The following PIWIL2 variants were observed in gnomAD, a reference collection of about 807,000 sequenced individuals.
PIWIL2 encodes piwi like RNA-mediated gene silencing 2.
In PIWIL2, 81 loss-of-function variants were observed where a neutral mutation model predicts 116.5. The observed-to-expected ratio is 0.70, with a 90% CI of 0.58 to 0.84. The LOEUF (loss-of-function observed/expected upper bound fraction) is 0.84. PIWIL2 is among the 40% of genes least tolerant of loss of function. The pLI, the probability that PIWIL2 is intolerant of heterozygous loss-of-function variation, is 0.00. For synonymous variants in PIWIL2, 489 were observed against 429.5 expected (o/e 1.14, Z -1.71); for missense variants, 1,272 against 1,212.3 (o/e 1.05, Z -0.73).
At chr8:22,333,655 T>C (rs1299427979) in intron 20 of PIWIL2, among the ~76,000 whole-genome samples, 1 of 151,884 alleles carries the variant, frequency 6.6e-6, no homozygotes, top group Non-Finnish European at 1.5e-5. Context: ...TTATAAGAAA[T>C]GTTCAGAACA....
intron 20 of PIWIL2, among the ~76,000 whole-genome samples, chr8:22,347,233 GAC>G (rs1491461775): frequency 7.4e-6 from 1 of 134,764 alleles, no homozygotes; most frequent in Non-Finnish European, 1.6e-5. Flanking sequence ...TTTTTTTTGA[GAC>G]AGAGTCTCAC....
At chr8:22,351,438 TACA>T (rs1832352758) in intron 20 of PIWIL2, among the ~76,000 whole-genome samples, 2 of 65,150 alleles carry the variant, frequency 3.1e-5, no homozygotes, top group African/African-American at 6.2e-5. Flanking sequence ...AGTGCATACA[TACA>T]TATATATATA....
intron 20 of PIWIL2, among the ~76,000 whole-genome samples, chr8:22,326,812 A>T (rs1382287860): frequency 6.6e-6 from 1 of 152,080 alleles, no homozygotes; most frequent in Non-Finnish European, 1.5e-5. Flanking sequence ...TTCCTGAACA[A>T]GTATTTGTTT....
At chr8:22,330,697 A>AAATAAATAAAT (rs1554504110) in intron 20 of PIWIL2, among the ~76,000 whole-genome samples, 1 of 137,132 alleles carries the variant, frequency 7.3e-6, no homozygotes, top group African/African-American at 2.6e-5. Flanking sequence ...ACTCTGTCTC[A>AAATAAATAAAT]AAATAAATAA....
intron 10 of PIWIL2, among the ~76,000 whole-genome samples, chr8:22,299,415 T>G (rs1046322721): frequency 6.6e-6 from 1 of 152,000 alleles, no homozygotes; most frequent in Non-Finnish European, 1.5e-5. Flanking sequence ...TCCATGGTGG[T>G]CAGACTGGTC....
At chr8:22,321,705 CAAATA>C (rs931316801) in intron 20 of PIWIL2, 10 of 187,956 alleles carry the variant, frequency 5.3e-5, no homozygotes, top group Non-Finnish European at 6.9e-5. Context: ...GCCTCTAAAA[CAAATA>C]AAATAAAAAA....
At position 22,279,462 on chromosome 8, in the gene PIWIL2, G is replaced by C; in HGVS notation, c.76G>C (p.Gly26Arg). The change falls in exon 2 of 23, where the codon GGC becomes CGC. Residue 26 changes from glycine to arginine, a missense_variant. Physicochemically the swap from Gly to Arg is moderately radical, Grantham distance 125 (BLOSUM62 -2). Coordinates refer to ENST00000356766, the MANE Select transcript of PIWIL2 (RefSeq NM_018068.5). ...PSQCQAVRMP[G>R]CWPQASKPLD... ...CCAGTGCCAGGCTGTACGGATGCCA[G>C]GCTGTTGGCCACAAGCTTCTAAACC... is the stretch of plus-strand genomic sequence containing the variant. 1 of 1,614,172 alleles carries C rather than the reference G, an allele frequency of 6.2e-7. No homozygotes were observed.
At position 22,311,133 on chromosome 8, in the gene PIWIL2, C is replaced by T; in HGVS notation, c.1822C>T (p.Leu608Phe). The change falls in exon 16 of 23, where the codon CTT (leucine) becomes TTT (phenylalanine). Residue 608 changes from leucine to phenylalanine, a missense_variant. Physicochemically the swap from Leu to Phe is conservative, Grantham distance 22. Transcript: ENST00000356766. The part of the protein sequence containing the change: ...ILTIPMHFWA[L>F]FYPKRAMDQA... The stretch of plus-strand genomic sequence containing the variant: ...CTAGATCCCCATGCATTTCTGGGCA[C>T]TTTTTTACCCAAAGAGAGCAATGGA... 6.2e-7 allele frequency: 1 copy of T among 1,612,064 alleles called. No homozygotes were observed. The highest frequency in any genetic ancestry group is 8.5e-7 in the Non-Finnish European group (1 of 1,179,384).
intron 5 of PIWIL2, 104 bp downstream of exon 5, chr8:22,283,344 G>T: frequency 1.2e-6 from 1 of 828,374 alleles, no homozygotes; most frequent in Non-Finnish European, 2.0e-6. Flanking sequence ...GGTCCTCCCT[G>T]GGTAATAATA....
intron 20 of PIWIL2, among the ~76,000 whole-genome samples, chr8:22,348,359 G>A (rs758902779): frequency 6.6e-6 from 1 of 152,136 alleles, no homozygotes; most frequent in Non-Finnish European, 1.5e-5. Flanking sequence ...TAGTGGATGT[G>A]AAGTATTTGT....
chr8:22,294,412 C>G (rs1458610755), intron 10 of PIWIL2, among the ~76,000 whole-genome samples: 1 of 147,176 alleles, frequency 6.8e-6, no homozygotes, highest in African/African-American at 2.5e-5. Flanking sequence ...GAGGCCGAGG[C>G]GGGCAGATCA....
intron 20 of PIWIL2, among the ~76,000 whole-genome samples, chr8:22,332,161 C>T (rs1831877723): frequency 6.6e-6 from 1 of 151,926 alleles, no homozygotes; most frequent in African/African-American, 2.4e-5. Flanking sequence ...AAAAATTAGC[C>T]AGGTGTGGTG....
chr8:22,300,371 G>A (rs1831017577), intron 10 of PIWIL2, among the ~76,000 whole-genome samples: 2 of 152,164 alleles, frequency 1.3e-5, no homozygotes, highest in Non-Finnish European at 1.5e-5. Flanking sequence ...TTACTGGGTA[G>A]TGTTCCATTT....
intron 14 of PIWIL2, among the ~76,000 whole-genome samples, 183 bp downstream of exon 14, chr8:22,308,256 G>A (rs891608935): frequency 4.6e-5 from 7 of 150,730 alleles, no homozygotes; most frequent in South Asian, 2.1e-4. Flanking sequence ...ACCTCTGTGC[G>A]TGGTCATATT....
At chr8:22,289,334 A>G (rs1292899409) in intron 8 of PIWIL2, among the ~76,000 whole-genome samples, 1 of 151,834 alleles carries the variant, frequency 6.6e-6, no homozygotes, top group East Asian at 1.9e-4. Flanking sequence ...TGTATTTTTA[A>G]TAGAGATGAT....
In PIWIL2 at chr8:22,316,265, GAT is replaced by G; in HGVS notation, c.2230_2231del (p.Met744GlyfsTer5). On this transcript the variant is annotated frameshift_variant, in exon 19 of 23. Transcript: ENST00000356766. LOFTEE classifies it high-confidence loss of function. ...ACTAGAAACAGTTAATGGTGATCGG[GAT>G]GGATGTTTACCATGACCCCAGTAGA... The part of the protein sequence containing the change: ...IPLKQLMVIG[M>X]DVYHDPSRGM... 6.2e-7 allele frequency: 1 copy of G among 1,612,888 alleles called. No individual in the cohort carries two copies. Among genetic ancestry groups the G allele is most frequent in the Non-Finnish European group, 8.5e-7 (1 of 1,178,928 alleles).
intron 18 of PIWIL2, 43 bp from the exon 19 acceptor site, chr8:22,316,202 C>T: frequency 8.2e-7 from 1 of 1,221,600 alleles, no homozygotes; most frequent in Non-Finnish European, 1.2e-6. Context: ...GAATGCATTG[C>T]TCAGGTCTGG....
chr8:22,287,458 T>C, intron 6 of PIWIL2, 70 bp from the exon 7 acceptor site: 1 of 957,904 alleles, frequency 1.0e-6, no homozygotes, highest in East Asian at 2.4e-5. Context: ...AACTAGCACC[T>C]GTTGCACAGC....
In PIWIL2 at chr8:22,311,272, G is replaced by A. The variant is rs759158586; in HGVS notation, c.1961G>A (p.Arg654Lys). The A allele has an allele frequency of 5.0e-6, 8 of 1,612,896 alleles. No individual in the cohort carries two copies. In the East Asian group the frequency reaches 6.7e-5, roughly 13 times the overall value. The change falls in exon 16 of 23, where the codon AGA (arginine) becomes AAA (lysine). Residue 654 changes from arginine to lysine, a missense_variant. Arg to Lys is a conservative substitution (Grantham distance 26, BLOSUM62 2). Coordinates refer to ENST00000356766, the MANE Select transcript of PIWIL2 (RefSeq NM_018068.5). ...GATGACCGAATAGAGACTTATGTCAGAACCATTCAATCCACGTTAGGAGCT... is the reference window on the plus strand; with the variant it reads ...GATGACCGAATAGAGACTTATGTCAAAACCATTCAATCCACGTTAGGAGCT... Reference protein sequence around the residue: ...LKDDRIETYVRTIQSTLGAEG... With the variant: ...LKDDRIETYVKTIQSTLGAEG...
Sources: gnomAD v4.1 joint callset for allele counts (sites outside exome capture counted in the v4.1 genomes callset) on GRCh38, gnomAD v4.1.1 for gene constraint, MANE v1.5 for transcripts, NCBI Gene and HGNC (gene_info 2026-07-23, HGNC 2026-07-21) for gene names.